The following FGF16 variants were observed in gnomAD, a reference collection of about 807,000 sequenced individuals.
The protein encoded by FGF16 is fibroblast growth factor 16.
In FGF16, 2 loss-of-function variants were observed where a neutral mutation model predicts 8.5. The observed-to-expected ratio is 0.24, with a 90% CI of 0.10 to 0.75. The LOEUF (loss-of-function observed/expected upper bound fraction) is 0.75, where lower values mean the gene tolerates loss of function less well. FGF16 is among the 30% of genes least tolerant of loss of function. The pLI, the probability that FGF16 is intolerant of heterozygous loss-of-function variation, is 0.74. For synonymous variants in FGF16, 33 were observed against 34.6 expected (o/e 0.95, Z 0.16); for missense variants, 79 against 87.4 (o/e 0.90, Z 0.38).
intron 1 of FGF16, among the ~76,000 whole-genome samples, chrX:77,451,526 G>C (rs2062557168): frequency 1.8e-5 from 2 of 111,691 alleles, no homozygotes; most frequent in Non-Finnish European, 3.8e-5. Flanking sequence ...AACATGCTCT[G>C]TTTTTCCATT....
chrX:77,452,863 A>G (rs1358228965), intron 1 of FGF16, among the ~76,000 whole-genome samples: 2 of 111,896 alleles, frequency 1.8e-5, no homozygotes, highest in African/African-American at 6.5e-5. Flanking sequence ...AGATTGCTTG[A>G]GCCCAGGAGT....
In FGF16 at chrX:77,456,222, G is replaced by A. The variant is rs185330140; in HGVS notation, c.379-55G>A. ...TTCAGGGTTTCTCTACTAGCAAGCT[G>A]GGATAGGAGAAATAGTCATATAATG... On this transcript the variant is annotated intron_variant, in intron 2 of 2. Coordinates refer to ENST00000439435, the MANE Select transcript of FGF16 (RefSeq NM_003868.3). 2,216 of 1,143,280 alleles carry A rather than the reference G, an allele frequency of 1.9e-3. 6 individuals are homozygous for A. Among genetic ancestry groups the A allele is most frequent in the Non-Finnish European group, 1.8e-3 (1,510 of 840,304 alleles). 94.2% of individuals were successfully genotyped at this position (1,143,280 alleles called of 1,213,427 possible). A position where few individuals can be genotyped will look rare whatever the true frequency, so the allele number is the denominator to read the frequency against.
chrX:77,456,455 T>G lies in FGF16; in HGVS notation c.557T>G (p.Phe186Cys). Reference protein sequence around the residue: ...RTKRHQKFTHFLPRPVDPSKL... With the variant: ...RTKRHQKFTHCLPRPVDPSKL... The stretch of plus-strand genomic sequence containing the variant: ...AAACGACACCAGAAATTCACTCACT[T>G]TTTACCCAGGCCTGTAGATCCTTCT... Residue 186 changes from phenylalanine (F) to cysteine (C), a missense_variant, in exon 3 of 3, where the codon TTT becomes TGT. Phe to Cys is a radical substitution (Grantham distance 205). Transcript: ENST00000439435. 8.3e-7 allele frequency: 1 copy of G among 1,208,179 alleles called. No individual in the cohort carries two copies. The highest frequency in any genetic ancestry group is 1.1e-6 in the Non-Finnish European group (1 of 892,660).
Position 77,454,187 on chromosome X carries a change from G to A in FGF16, c.305G>A (p.Gly102Glu). Residue 102 changes from glycine to glutamate, a missense_variant, in exon 2 of 3, where the codon GGG (glycine) becomes GAG (glutamate). By Grantham distance (98) the Gly-to-Glu change is moderately conservative. Transcript: ENST00000439435. Reference protein sequence around the residue: ...GILEFISLAVGLISIRGVDSG... With the variant: ...GILEFISLAVELISIRGVDSG... ...CTGGAGTTTATCAGCCTGGCTGTGG[G>A]GCTGATCAGCATCCGGGGAGTGGAC... is the stretch of plus-strand genomic sequence containing the variant. 8.3e-7 allele frequency: 1 copy of A among 1,202,988 alleles called. No homozygotes were observed. The highest frequency in any genetic ancestry group is 3.0e-5 in the East Asian group (1 of 33,674).
rs1427849455 is a variant in FGF16 at position 77,447,734 on chromosome X, G to C, written c.60G>C (p.Ser20=). 2.4e-5 allele frequency: 7 copies of C among 296,787 alleles called. No homozygotes were observed. Among genetic ancestry groups the C allele is most frequent in the Non-Finnish European group, 4.1e-5 (7 of 170,152 alleles). 24.5% of individuals were successfully genotyped at this position (296,787 alleles called of 1,213,427 possible). ...SLDWDLHGFS[S]SLGNVPLADS... ...ACTGGGATCTACACGGCTTCTCCTC[G>C]TCTCTGGGGAACGTGCCCTTAGCTG... The change falls in exon 1 of 3, where the codon TCG becomes TCC. Residue 20 remains serine (S), a synonymous_variant. Coordinates refer to ENST00000439435, the MANE Select transcript of FGF16 (RefSeq NM_003868.3).
chrX:77,450,348 G>A (rs919085599), intron 1 of FGF16, among the ~76,000 whole-genome samples: 4 of 112,408 alleles, frequency 3.6e-5, no homozygotes, highest in East Asian at 2.8e-4. Flanking sequence ...GAGCAGTCCC[G>A]ACTCCAAATA....
Position 77,456,368 on chromosome X carries a change from CAG to C in FGF16, c.476_477del (p.Arg159ThrfsTer19), listed in dbSNP as rs782766076. 2 of 1,208,732 alleles carry C rather than the reference CAG, an allele frequency of 1.7e-6. No homozygotes were observed. Among genetic ancestry groups the C allele is most frequent in the Non-Finnish European group, 1.1e-6 (1 of 894,096 alleles). On this transcript the variant is annotated frameshift_variant, in exon 3 of 3. Transcript: ENST00000439435. LOFTEE classifies it high-confidence loss of function. ...TCAACCTTGTACAAACATTCGGACT[CAG>C]AGAGACAGTATTACGTGGCCCTGAA...
chrX:77,452,085 C>T (rs945058414), intron 1 of FGF16, among the ~76,000 whole-genome samples: 1 of 112,170 alleles, frequency 8.9e-6, no homozygotes, highest in Non-Finnish European at 1.9e-5. Context: ...CCCAACCAAA[C>T]CCCAAACACA....
chrX:77,454,323 A>G (rs1025411036), intron 2 of FGF16, 63 bp downstream of exon 2: 5 of 597,848 alleles, frequency 8.4e-6, no homozygotes, highest in Non-Finnish European at 1.2e-5. Context: ...TATTACAACC[A>G]GTGTTTGGAC....
chrX:77,456,849 T>G lies in FGF16; in HGVS notation c.*327T>G. The G allele has an allele frequency of 6.3e-6, 1 of 158,079 alleles. No individual in the cohort carries two copies. Among genetic ancestry groups the G allele is most frequent in the Non-Finnish European group, 1.2e-5 (1 of 82,487 alleles). The allele number at this position is 158,079 out of a possible 1,213,427, so 13.0% of individuals were successfully genotyped here. A position where few individuals can be genotyped will look rare whatever the true frequency, so the allele number is the denominator to read the frequency against. On this transcript the variant is annotated 3_prime_UTR_variant, in exon 3 of 3. Transcript: ENST00000439435. ...TGTCTTACCCCACAATTTACTCAAA[T>G]ACCTTGACAATGGGTATAAATGAAA...
intron 1 of FGF16, among the ~76,000 whole-genome samples, chrX:77,453,787 A>T (rs1387230545): frequency 8.9e-6 from 1 of 111,818 alleles, no homozygotes; most frequent in African/African-American, 3.3e-5. Context: ...AAAGATACAG[A>T]AACCTGTCCT....
chrX:77,456,473 A>G lies in FGF16; in HGVS notation c.575A>G (p.Asp192Gly), dbSNP rs781824473. The G allele has an allele frequency of 8.3e-7, 1 of 1,209,243 alleles. No homozygotes were observed. Among genetic ancestry groups the G allele is most frequent in the Admixed American group, 2.2e-5 (1 of 46,038 alleles). ...KFTHFLPRPV[D>G]PSKLPSMSRD... is the part of the protein sequence containing the mutation. The stretch of plus-strand genomic sequence containing the variant: ...ACTCACTTTTTACCCAGGCCTGTAG[A>G]TCCTTCTAAGTTGCCCTCCATGTCC... Residue 192 changes from aspartate to glycine, a missense_variant, in exon 3 of 3, where the codon GAT becomes GGT. By Grantham distance (94) the Asp-to-Gly change is moderately conservative. Coordinates refer to ENST00000439435, the MANE Select transcript of FGF16 (RefSeq NM_003868.3).
chrX:77,456,402 T>C lies in FGF16; in HGVS notation c.504T>C (p.Asp168=), dbSNP rs1557027115. The change falls in exon 3 of 3, where the codon GAT becomes GAC. Residue 168 remains aspartate (D), a synonymous_variant. Coordinates refer to ENST00000439435, the MANE Select transcript of FGF16 (RefSeq NM_003868.3). ...ERQYYVALNK[D]GSPREGYRTK... Reference sequence around the variant, plus strand: ...AGTATTACGTGGCCCTGAACAAAGATGGCTCACCCCGGGAGGGATACAGGA... The same window carrying C: ...AGTATTACGTGGCCCTGAACAAAGACGGCTCACCCCGGGAGGGATACAGGA... 8.3e-7 allele frequency: 1 copy of C among 1,210,983 alleles called. No homozygotes were observed. Among genetic ancestry groups the C allele is most frequent in the African/African-American group, 1.7e-5 (1 of 57,729 alleles).
At chrX:77,454,870 C>G (rs1378912475) in intron 2 of FGF16, among the ~76,000 whole-genome samples, 1 of 96,074 alleles carries the variant, frequency 1.0e-5, no homozygotes, top group Non-Finnish European at 2.1e-5. Context: ...AACCTCAGCT[C>G]ACTGCAACCT....
At chrX:77,452,622 A>AT (rs1355639380) in intron 1 of FGF16, among the ~76,000 whole-genome samples, 2 of 112,770 alleles carry the variant, frequency 1.8e-5, no homozygotes, top group Non-Finnish European at 3.7e-5. Context: ...CAAAGCTGCC[A>AT]TACCTGAACA....
In FGF16 at chrX:77,447,541, C is replaced by T; in HGVS notation, c.-134C>T. On this transcript the variant is annotated 5_prime_UTR_variant, in exon 1 of 3. Transcript: ENST00000439435. ...AGACGTCGACTGCAGCTCGGCAGAG[C>T]GCGGAGCAAGCGAGCTAGCGAGGGA... The T allele has an allele frequency of 3.5e-6, 1 of 285,297 alleles. No individual in the cohort carries two copies. The highest frequency in any genetic ancestry group is 6.2e-6 in the Non-Finnish European group (1 of 162,474). The allele number at this position is 285,297 out of a possible 1,213,427, so 23.5% of individuals were successfully genotyped here.
At chrX:77,451,871 C>T (rs2062558091) in intron 1 of FGF16, among the ~76,000 whole-genome samples, 1 of 111,869 alleles carries the variant, frequency 8.9e-6, no homozygotes. Context: ...TTAAAATGCA[C>T]AAGAACACAA....
At position 77,447,491 on chromosome X, in the gene FGF16, A is replaced by G. The variant is rs1780195704; in HGVS notation, c.-184A>G. ...AGCACGCTGCCCCGCGCTCCCCGCC[A>G]CTGAGAAGTTCCTTGGACGCGAACA... On this transcript the variant is annotated 5_prime_UTR_variant, in exon 1 of 3. Coordinates refer to ENST00000439435, the MANE Select transcript of FGF16 (RefSeq NM_003868.3). 7.2e-6 allele frequency: 2 copies of G among 277,541 alleles called. No individual in the cohort carries two copies. The highest frequency in any genetic ancestry group is 5.6e-5 in the African/African-American group (2 of 35,745). 22.9% of individuals were successfully genotyped at this position (277,541 alleles called of 1,213,427 possible).
chrX:77,456,223 G>A lies in FGF16; in HGVS notation c.379-54G>A, dbSNP rs904030011. The A allele has an allele frequency of 2.9e-5, 33 of 1,147,703 alleles. No individual in the cohort carries two copies. The African/African-American group carries it at 5.0e-4, about 17-fold the overall frequency. 94.6% of individuals were successfully genotyped at this position (1,147,703 alleles called of 1,213,427 possible). A position where few individuals can be genotyped will look rare whatever the true frequency, so the allele number is the denominator to read the frequency against. On this transcript the variant is annotated intron_variant, in intron 2 of 2. Coordinates refer to ENST00000439435, the MANE Select transcript of FGF16 (RefSeq NM_003868.3). ...TCAGGGTTTCTCTACTAGCAAGCTGGGATAGGAGAAATAGTCATATAATGG... is the reference window on the plus strand; with the variant it reads ...TCAGGGTTTCTCTACTAGCAAGCTGAGATAGGAGAAATAGTCATATAATGG...
Sources: allele counts gnomAD v4.1 joint callset (sites outside exome capture counted in the v4.1 genomes callset), GRCh38; gene constraint gnomAD v4.1.1; transcripts MANE v1.5; gene names NCBI Gene and HGNC (gene_info 2026-07-23, HGNC 2026-07-21).